The following GRXCR2 variants were observed in gnomAD, a reference collection of about 807,000 sequenced individuals.
The protein encoded by GRXCR2 is glutaredoxin domain-containing cysteine-rich protein 2.
In GRXCR2, 23 loss-of-function variants were observed where a neutral mutation model predicts 24.8. The observed-to-expected ratio is 0.93, with a 90% CI of 0.67 to 1.32. GRXCR2 has a LOEUF of 1.32. Among genes scored for constraint, GRXCR2 ranks in the 40% most tolerant of loss-of-function variants. The pLI, the probability that GRXCR2 is intolerant of heterozygous loss-of-function variation, is 0.00. For missense variants in GRXCR2, 315 were observed against 303.4 expected (o/e 1.04, Z -0.28); for synonymous variants, 130 against 116.1 (o/e 1.12, Z -0.77).
chr5:145,862,984 T>G (rs1756366403), intron 2 of GRXCR2, among the ~76,000 whole-genome samples: 1 of 152,218 alleles, frequency 6.6e-6, no homozygotes, highest in Non-Finnish European at 1.5e-5. Flanking sequence ...TTATTGCTAT[T>G]ATTTCAAAGT....
chr5:145,882,120 C>G (rs1383493160), intron 2 of GRXCR2, among the ~76,000 whole-genome samples: 2 of 152,164 alleles, frequency 1.3e-5, no homozygotes, highest in Non-Finnish European at 2.9e-5. Context: ...GCAAGGACTT[C>G]ATGACTAAAA....
chr5:145,908,104 T>C (rs192094909), intron 2 of GRXCR2, among the ~76,000 whole-genome samples: 1 of 152,334 alleles, frequency 6.6e-6, no homozygotes, highest in African/African-American at 2.4e-5. Context: ...CCCAATGTCA[T>C]GTCTTCTTTG....
intron 2 of GRXCR2, among the ~76,000 whole-genome samples, chr5:145,925,460 C>T (rs916047027): frequency 6.6e-5 from 10 of 152,088 alleles, no homozygotes; most frequent in Non-Finnish European, 1.3e-4. Flanking sequence ...AGCTTTTGAA[C>T]ACAAAGGGTC....
At position 145,859,741 on chromosome 5, in the gene GRXCR2, T is replaced by G. The variant is rs779560934; in HGVS notation, c.739A>C (p.Asn247His). 1 of 1,614,084 alleles carries G rather than the reference T, an allele frequency of 6.2e-7. No individual in the cohort carries two copies. Among genetic ancestry groups the G allele is most frequent in the South Asian group, 1.1e-5 (1 of 91,082 alleles). ...CATGCAAAAGCCACGGGCTATTGAT[T>G]GCAAATCTGGCAAGGCTGTAGGCCA... ...ENGLQPCQIC[N>H]Q is the part of the protein sequence containing the mutation. Residue 247 changes from asparagine to histidine, a missense_variant, in exon 3 of 3, where the codon AAT (asparagine) becomes CAT (histidine). Transcript: ENST00000377976.
chr5:145,890,805 C>T (rs987683557), intron 2 of GRXCR2, among the ~76,000 whole-genome samples: 7 of 151,554 alleles, frequency 4.6e-5, no homozygotes, highest in South Asian at 4.2e-4. Context: ...CTAAACACCC[C>T]GTTTAAAAGT....
chr5:145,869,897 C>T (rs2149911151), intron 1 of GRXCR2, among the ~76,000 whole-genome samples: 1 of 152,162 alleles, frequency 6.6e-6, no homozygotes, highest in South Asian at 2.1e-4. Flanking sequence ...ATCACAACAA[C>T]TCTTAAGCAA....
chr5:145,903,341 T>G (rs958303081), intron 2 of GRXCR2, among the ~76,000 whole-genome samples: 1 of 152,094 alleles, frequency 6.6e-6, no homozygotes, highest in African/African-American at 2.4e-5. Context: ...CAGTCCCCAG[T>G]CTCTATTGGA....
At chr5:145,877,146 G>T (rs996481434), upstream of GRXCR2, among the ~76,000 whole-genome samples, 2 of 151,698 alleles carry the variant, frequency 1.3e-5, no homozygotes, top group Non-Finnish European at 1.5e-5. Flanking sequence ...AAGAAAGAAA[G>T]ATATTTATTT....
At chr5:145,921,556 C>T (rs975285992) in intron 2 of GRXCR2, among the ~76,000 whole-genome samples, 3 of 152,176 alleles carry the variant, frequency 2.0e-5, no homozygotes, top group African/African-American at 7.2e-5. Context: ...GAGTATTCAC[C>T]CAACTTTCCG....
chr5:145,927,854 T>C (rs1314970279), intron 2 of GRXCR2, among the ~76,000 whole-genome samples: 2 of 152,146 alleles, frequency 1.3e-5, no homozygotes, highest in Non-Finnish European at 2.9e-5. Context: ...AAGCACTTCA[T>C]GTCTAAAACA....
At chr5:145,909,376 T>TTTTTCCCTAATGTTGAGCTGA (rs1554106389) in intron 2 of GRXCR2, among the ~76,000 whole-genome samples, 74,477 of 151,638 alleles carry the variant, frequency 0.49, 20,460 homozygotes, top group East Asian at 0.72. Flanking sequence ...GATTCGTCTA[T>TTTTTCCCTAATGTTGAGCTGA]TTTCAGCTTC....
chr5:145,882,039 A>C (rs1212385841), intron 2 of GRXCR2, among the ~76,000 whole-genome samples: 1 of 152,248 alleles, frequency 6.6e-6, no homozygotes, highest in Non-Finnish European at 1.5e-5. Flanking sequence ...TTAAAGACTT[A>C]AATGTTAGAC....
chr5:145,930,629 A>C (rs1398314483), intron 2 of GRXCR2, among the ~76,000 whole-genome samples: 2 of 152,228 alleles, frequency 1.3e-5, no homozygotes, highest in African/African-American at 4.8e-5. Context: ...GCATAAAGAT[A>C]AAATGCAAAT....
intron 2 of GRXCR2, among the ~76,000 whole-genome samples, chr5:145,914,540 G>C (rs986352700): frequency 6.6e-6 from 1 of 151,806 alleles, no homozygotes; most frequent in African/African-American, 2.4e-5. Flanking sequence ...ACCAGGCGTG[G>C]TGGTGTGCGC....
upstream of GRXCR2, among the ~76,000 whole-genome samples, chr5:145,876,216 T>TACACAC (rs1216503434): frequency 7.5e-6 from 1 of 133,912 alleles, no homozygotes; most frequent in Non-Finnish European, 1.6e-5. Flanking sequence ...TATATATATA[T>TACACAC]ACACACACAC....
chr5:145,890,380 G>A (rs1445773087), intron 2 of GRXCR2, among the ~76,000 whole-genome samples: 1 of 152,186 alleles, frequency 6.6e-6, no homozygotes, highest in African/African-American at 2.4e-5. Context: ...GTGAGCCACT[G>A]CACCTGGCAG....
chr5:145,922,540 C>A (rs1223694668), intron 2 of GRXCR2, among the ~76,000 whole-genome samples: 1 of 152,176 alleles, frequency 6.6e-6, no homozygotes, highest in East Asian at 1.9e-4. Context: ...CAATGCCAGG[C>A]ACATAGTAAG....
chr5:145,917,445 A>C (rs1757257891), intron 2 of GRXCR2, among the ~76,000 whole-genome samples: 1 of 152,164 alleles, frequency 6.6e-6, no homozygotes, highest in Non-Finnish European at 1.5e-5. Context: ...ATGATCCAAA[A>C]AAAGAAAACA....
chr5:145,907,190 G>A (rs1757103802), intron 2 of GRXCR2, among the ~76,000 whole-genome samples: 1 of 152,068 alleles, frequency 6.6e-6, no homozygotes, highest in South Asian at 2.1e-4. Flanking sequence ...AGAAGCTATT[G>A]GGGAGTTTTG....
Sources: gnomAD v4.1 joint callset for allele counts (sites outside exome capture counted in the v4.1 genomes callset) on GRCh38, gnomAD v4.1.1 for gene constraint, MANE v1.5 for transcripts, NCBI Gene and HGNC (gene_info 2026-07-23, HGNC 2026-07-21) for gene names.